The following ITGB3BP variants were observed in gnomAD, a reference collection of about 807,000 sequenced individuals.
ITGB3BP encodes centromere protein R.
Under a neutral mutation model 29.1 loss-of-function variants are expected in ITGB3BP, and 27 were observed. The ratio of observed to expected loss-of-function variants is 0.93; its 90% CI spans 0.68 to 1.28. ITGB3BP has a LOEUF of 1.28. Ranked by LOEUF, ITGB3BP falls within the 50% of genes most tolerant of loss-of-function variation. The pLI, the probability that ITGB3BP is intolerant of heterozygous loss-of-function variation, is 0.00. For missense variants in ITGB3BP, 192 were observed against 200.2 expected (o/e 0.96, Z 0.25); for synonymous variants, 61 against 61.4 (o/e 0.99, Z 0.03).
At chr1:63,482,377 G>C (rs535252424) in intron 3 of ITGB3BP, among the ~76,000 whole-genome samples, 9 of 151,248 alleles carry the variant, frequency 6.0e-5, no homozygotes, top group African/African-American at 1.9e-4. Flanking sequence ...AATACTATAG[G>C]CAATCATTTT....
chr1:63,525,885 A>G, upstream of ITGB3BP: 1 of 638,624 alleles, frequency 1.6e-6, no homozygotes, highest in Non-Finnish European at 2.6e-6. Flanking sequence ...GAGCAATGGA[A>G]CTACAGTAAG....
intron 1 of ITGB3BP, among the ~76,000 whole-genome samples, chr1:63,513,158 T>C (rs1208868063): frequency 6.6e-6 from 1 of 152,216 alleles, no homozygotes; most frequent in Non-Finnish European, 1.5e-5. Context: ...TTCTCCAATG[T>C]AGTAAATAAG....
At chr1:63,449,787 A>C (rs950546159) in intron 7 of ITGB3BP, 1 of 154,540 alleles carries the variant, frequency 6.5e-6, no homozygotes, top group African/African-American at 2.4e-5. Context: ...TCTAAACTTC[A>C]AACCTCAGTG....
intron 3 of ITGB3BP, among the ~76,000 whole-genome samples, chr1:63,480,217 T>G (rs1031783680): frequency 1.3e-5 from 2 of 152,196 alleles, no homozygotes; most frequent in African/African-American, 4.8e-5. Context: ...AGGATGTAAC[T>G]AAGTCATAAT....
In ITGB3BP at chr1:63,454,818, G is replaced by T; in HGVS notation, c.333+72C>A. The T allele has an allele frequency of 1.5e-6, 1 of 674,526 alleles. No individual in the cohort carries two copies. Among genetic ancestry groups the T allele is most frequent in the Non-Finnish European group, 2.5e-6 (1 of 401,984 alleles). 41.8% of individuals were successfully genotyped at this position (674,526 alleles called of 1,614,324 possible). A position where few individuals can be genotyped will look rare whatever the true frequency, so the allele number is the denominator to read the frequency against. ...TCTATGCAAACTCTTTCCTGGATTG[G>T]ATTCTCCAATCTGGGACACTTCTTT... On this transcript the variant is annotated intron_variant, in intron 5 of 8. Coordinates refer to ENST00000271002, the MANE Select transcript of ITGB3BP (RefSeq NM_014288.5). The surrounding 1 kb of genome is among the most constrained non-coding windows in gnomAD (Gnocchi z 4.1).
chr1:63,511,231 T>C (rs1646193057), intron 1 of ITGB3BP, among the ~76,000 whole-genome samples: 2 of 152,032 alleles, frequency 1.3e-5, no homozygotes. Context: ...GAAATATTAC[T>C]TCACAACCTA....
intron 3 of ITGB3BP, among the ~76,000 whole-genome samples, chr1:63,485,393 C>T (rs1645507592): frequency 6.6e-6 from 1 of 151,654 alleles, no homozygotes; most frequent in Admixed American, 6.6e-5. Context: ...CCTCACCTTC[C>T]ATGATAGTTT....
chr1:63,486,333 G>A (rs376727188), intron 3 of ITGB3BP, among the ~76,000 whole-genome samples: 24 of 151,862 alleles, frequency 1.6e-4, no homozygotes, highest in East Asian at 3.9e-4. Context: ...TGAGGAACTC[G>A]AGGGTTAGGA....
chr1:63,470,912 A>G (rs1645184721), intron 4 of ITGB3BP, among the ~76,000 whole-genome samples: 1 of 151,938 alleles, frequency 6.6e-6, no homozygotes, highest in African/African-American at 2.4e-5. Context: ...TTCTCACTCC[A>G]GAAGATCTAC....
intron 1 of ITGB3BP, among the ~76,000 whole-genome samples, chr1:63,511,303 G>A (rs757161632): frequency 4.1e-4 from 63 of 152,198 alleles, no homozygotes; most frequent in Middle Eastern, 6.8e-3. Context: ...AATAAGTGTT[G>A]GTGAGGATGT....
chr1:63,478,926 G>T (rs1249640482), intron 3 of ITGB3BP, 93 bp from the exon 4 acceptor site: 2 of 462,868 alleles, frequency 4.3e-6, no homozygotes, highest in Non-Finnish European at 7.5e-6. Context: ...TAAATAGAAA[G>T]TAAAAAGGAC....
chr1:63,461,010 T>C (rs1414267331), intron 4 of ITGB3BP, among the ~76,000 whole-genome samples: 1 of 146,190 alleles, frequency 6.8e-6, no homozygotes, highest in Non-Finnish European at 1.5e-5. Flanking sequence ...GAGGCTGAGG[T>C]GGGCAGATCA....
chr1:63,467,771 T>C (rs569569092), intron 4 of ITGB3BP, among the ~76,000 whole-genome samples: 29 of 152,328 alleles, frequency 1.9e-4, no homozygotes, highest in South Asian at 4.1e-4. Flanking sequence ...CCAAGGATGT[T>C]GTTAAGCAAT....
chr1:63,458,398 T>C (rs770264714), intron 4 of ITGB3BP: 1 of 152,072 alleles, frequency 6.6e-6, no homozygotes, highest in Non-Finnish European at 1.5e-5. Context: ...AGAAATTGTA[T>C]TAAATTGGTG....
intron 2 of ITGB3BP, among the ~76,000 whole-genome samples, chr1:63,500,710 AC>A (rs1234763634): frequency 6.6e-6 from 1 of 152,208 alleles, no homozygotes; most frequent in Non-Finnish European, 1.5e-5. Context: ...AAATTTCCCA[AC>A]TGAATCTGCA....
chr1:63,498,209 T>A (rs1019657518), intron 2 of ITGB3BP, among the ~76,000 whole-genome samples: 1 of 152,000 alleles, frequency 6.6e-6, no homozygotes, highest in African/African-American at 2.4e-5. Context: ...CCAACTAGAT[T>A]TAACAGACAT....
intron 4 of ITGB3BP, among the ~76,000 whole-genome samples, chr1:63,477,402 T>C (rs1224622667): frequency 6.6e-6 from 1 of 152,130 alleles, no homozygotes; most frequent in African/African-American, 2.4e-5. Flanking sequence ...TTGAGGAAGG[T>C]ATATTAACTT....
rs1424961071 is a variant in ITGB3BP, at chr1:63,481,485, T to C, written c.185-2652A>G. Among the ~76,000 whole-genome samples, 7 of 152,306 alleles carry C rather than the reference T, an allele frequency of 4.6e-5. No individual in the cohort carries two copies. In the South Asian group the frequency reaches 1.2e-3, roughly 27 times the overall value. ...AAAAAAAGTAAGCACAATGAAAATA[T>C]ACAAAAGCACTATAGAGTCTATATG... is the stretch of plus-strand genomic sequence containing the variant. On this transcript the variant is annotated intron_variant, in intron 3 of 8. Coordinates refer to ENST00000271002, the MANE Select transcript of ITGB3BP (RefSeq NM_014288.5).
chr1:63,480,718 G>A (rs1294825222), intron 3 of ITGB3BP, among the ~76,000 whole-genome samples: 1 of 151,994 alleles, frequency 6.6e-6, no homozygotes, highest in Non-Finnish European at 1.5e-5. Context: ...AAAACTTACA[G>A]AAATTTTGTT....
Sources: gnomAD v4.1 joint callset for allele counts (sites outside exome capture counted in the v4.1 genomes callset) on GRCh38, gnomAD v4.1.1 for gene constraint, Gnocchi (gnomAD v3.1) non-coding constraint, MANE v1.5 for transcripts, NCBI Gene and HGNC (gene_info 2026-07-23, HGNC 2026-07-21) for gene names.